RAD51B: variants seen among roughly 807,000 people sequenced by gnomAD.
RAD51B encodes RAD51 paralog B.
Under a neutral mutation model 42.2 loss-of-function variants are expected in RAD51B, and 38 were observed. The ratio of observed to expected loss-of-function variants is 0.90; its 90% CI spans 0.70 to 1.18. RAD51B has a LOEUF of 1.18. Ranked by LOEUF, RAD51B falls within the 50% of genes most tolerant of loss-of-function variation. The probability of loss-of-function intolerance (pLI) is 0.00; values close to 1 mark genes in which losing one functional copy is unlikely to be tolerated. For synonymous variants in RAD51B, 154 were observed against 145.2 expected, an observed-to-expected ratio of 1.06 and a Z score of -0.43; for missense variants, 373 against 400.7, an observed-to-expected ratio of 0.93 and a Z score of 0.59.
intron 7 of RAD51B, among the ~76,000 whole-genome samples, chr14:67,967,530 A>G (rs944602088): frequency 7.9e-5 from 12 of 152,226 alleles, no homozygotes; most frequent in African/African-American, 2.2e-4. Flanking sequence ...AAATACAGCC[A>G]TTTCAGATGG....
intron 9 of RAD51B, among the ~76,000 whole-genome samples, chr14:68,461,718 G>A (rs538611998): frequency 3.3e-5 from 5 of 152,158 alleles, no homozygotes; most frequent in African/African-American, 7.2e-5. Flanking sequence ...GGGCTAATGC[G>A]TGAAGGTTTA....
chr14:68,379,391 G>T (rs964700884), intron 8 of RAD51B, among the ~76,000 whole-genome samples: 1 of 152,184 alleles, frequency 6.6e-6, no homozygotes, highest in Non-Finnish European at 1.5e-5. Context: ...GGGGAAAACA[G>T]AGGGACTGCT....
chr14:68,216,484 T>C (rs1374858185), intron 7 of RAD51B, among the ~76,000 whole-genome samples: 2 of 152,206 alleles, frequency 1.3e-5, no homozygotes, highest in African/African-American at 4.8e-5. Flanking sequence ...TAAAGTGAAC[T>C]CTACCTTAAT....
chr14:68,258,590 T>C (rs1282351578), intron 7 of RAD51B, among the ~76,000 whole-genome samples: 3 of 152,156 alleles, frequency 2.0e-5, no homozygotes, highest in African/African-American at 7.2e-5. Context: ...AACTTAAAGA[T>C]GCTGGGTTCA....
intron 7 of RAD51B, among the ~76,000 whole-genome samples, chr14:68,115,896 G>A (rs1164132818): frequency 6.6e-6 from 1 of 151,874 alleles, no homozygotes; most frequent in African/African-American, 2.4e-5. Flanking sequence ...AGGAGCCATC[G>A]GTGTCAATAC....
intron 8 of RAD51B, chr14:68,306,661 A>T (rs776619310): frequency 3.9e-6 from 2 of 514,506 alleles, no homozygotes; most frequent in Non-Finnish European, 7.8e-6. Flanking sequence ...TTGCAATTCT[A>T]AATGTACCTA....
At chr14:68,285,745 T>C (rs1257191998) in intron 7 of RAD51B, among the ~76,000 whole-genome samples, 2 of 152,150 alleles carry the variant, frequency 1.3e-5, no homozygotes, top group Non-Finnish European at 2.9e-5. Flanking sequence ...TGAGGTTGCT[T>C]CGTGAATCCT....
chr14:68,233,355 T>G (rs1257365838), intron 7 of RAD51B, among the ~76,000 whole-genome samples: 2 of 152,230 alleles, frequency 1.3e-5, no homozygotes, highest in African/African-American at 4.8e-5. Flanking sequence ...AGGGCATATA[T>G]GCTGATTACA....
At chr14:68,099,469 A>T (rs2077252585) in intron 7 of RAD51B, among the ~76,000 whole-genome samples, 1 of 152,166 alleles carries the variant, frequency 6.6e-6, no homozygotes, top group African/African-American at 2.4e-5. Flanking sequence ...AAAAAATCAT[A>T]ATTTTGGATC....
intron 8 of RAD51B, among the ~76,000 whole-genome samples, chr14:68,368,580 C>T (rs996688169): frequency 3.9e-5 from 6 of 152,132 alleles, no homozygotes; most frequent in African/African-American, 7.2e-5. Flanking sequence ...CTATAGTGGC[C>T]GCTTGGACTG....
intron 7 of RAD51B, among the ~76,000 whole-genome samples, chr14:68,273,954 A>G (rs1249320592): frequency 6.6e-6 from 1 of 152,144 alleles, no homozygotes; most frequent in African/African-American, 2.4e-5. Flanking sequence ...TAAAACATGT[A>G]TAATGTTTTA....
downstream of RAD51B, among the ~76,000 whole-genome samples, chr14:68,611,964 C>A (rs1482192728): frequency 2.0e-5 from 3 of 152,134 alleles, no homozygotes; most frequent in Non-Finnish European, 4.4e-5. Context: ...AGGCTCATAT[C>A]CTTGCTGTGA....
At chr14:67,962,331 A>G (rs1310753644) in intron 7 of RAD51B, among the ~76,000 whole-genome samples, 1 of 152,228 alleles carries the variant, frequency 6.6e-6, no homozygotes, top group Non-Finnish European at 1.5e-5. Context: ...GAGGAACTGA[A>G]CCTGCAGATC....
chr14:68,421,234 T>C (rs1467061442), intron 9 of RAD51B, among the ~76,000 whole-genome samples: 2 of 152,136 alleles, frequency 1.3e-5, no homozygotes, highest in African/African-American at 4.8e-5. Flanking sequence ...TGAAAGCTTA[T>C]CACACATGTG....
At chr14:68,459,273 C>G (rs1399298966) in intron 9 of RAD51B, among the ~76,000 whole-genome samples, 1 of 152,212 alleles carries the variant, frequency 6.6e-6, no homozygotes, top group Non-Finnish European at 1.5e-5. Flanking sequence ...GTTGAATTAT[C>G]TGATGCAAGA....
At chr14:68,069,336 TTG>T (rs1219970424) in intron 7 of RAD51B, among the ~76,000 whole-genome samples, 2 of 152,090 alleles carry the variant, frequency 1.3e-5, no homozygotes, top group Non-Finnish European at 2.9e-5. Flanking sequence ...CATGGGTAAA[TTG>T]TGTGTGTGTC....
At chr14:68,011,475 T>G (rs565581126) in intron 7 of RAD51B, among the ~76,000 whole-genome samples, 2 of 152,052 alleles carry the variant, frequency 1.3e-5, no homozygotes, top group Non-Finnish European at 2.9e-5. Flanking sequence ...GAAAACACAT[T>G]TGTTTGATTT....
chr14:67,956,357 G>T (rs752205453), intron 7 of RAD51B, among the ~76,000 whole-genome samples: 4 of 152,058 alleles, frequency 2.6e-5, no homozygotes, highest in Non-Finnish European at 4.4e-5. Context: ...TATGGTGGCG[G>T]CCACCTGTAA....
At chr14:68,464,682 A>G (rs1406987021) in intron 9 of RAD51B, among the ~76,000 whole-genome samples, 2 of 152,224 alleles carry the variant, frequency 1.3e-5, no homozygotes, top group Non-Finnish European at 2.9e-5. Flanking sequence ...TTTATCCAGA[A>G]GGCTATCAAG....
Sources: allele counts gnomAD v4.1 joint callset (sites outside exome capture counted in the v4.1 genomes callset), GRCh38; gene constraint gnomAD v4.1.1; transcripts MANE v1.5; gene names NCBI Gene and HGNC (gene_info 2026-07-23, HGNC 2026-07-21).